The following HBEGF variants were observed in gnomAD, a reference collection of about 807,000 sequenced individuals.
HBEGF encodes proheparin-binding EGF-like growth factor.
A neutral mutation model predicts 19.5 loss-of-function variants in HBEGF; 8 were observed. The ratio of observed to expected loss-of-function variants is 0.41; its 90% CI spans 0.24 to 0.74. The LOEUF is 0.74. Ranked by LOEUF, HBEGF falls within the 30% of genes least tolerant of loss-of-function variation. The pLI is 0.32. For synonymous variants in HBEGF, 97 were observed against 108.9 expected, an observed-to-expected ratio of 0.89 and a Z score of 0.68; for missense variants, 207 against 256.9, an observed-to-expected ratio of 0.81 and a Z score of 1.33.
chr5:140,343,287 G>A (rs958300121), intron 2 of HBEGF, among the ~76,000 whole-genome samples: 11 of 152,230 alleles, frequency 7.2e-5, no homozygotes, highest in African/African-American at 2.6e-4. Context: ...GGTACTTGGA[G>A]GTTCTGGGGT....
intron 2 of HBEGF, 27 bp from the exon 3 acceptor site, chr5:140,342,839 G>A: frequency 6.2e-7 from 1 of 1,611,238 alleles, no homozygotes; most frequent in Non-Finnish European, 8.5e-7. Flanking sequence ...CTCTGTTAAA[G>A]TCTGACTCTT....
intron 3 of HBEGF, among the ~76,000 whole-genome samples, chr5:140,336,884 C>T (rs1404642836): frequency 7.1e-6 from 1 of 140,148 alleles, no homozygotes; most frequent in Non-Finnish European, 1.5e-5. Context: ...GGCTGGAGTG[C>T]AGTGGCGCAA....
chr5:140,334,611 A>AG, intron 5 of HBEGF, 47 bp downstream of exon 5: 2 of 1,308,468 alleles, frequency 1.5e-6, no homozygotes, highest in Admixed American at 3.4e-5. Context: ...CAGCCAGGAA[A>AG]GGGGACAAAG....
intron 3 of HBEGF, 68 bp downstream of exon 3, chr5:140,342,564 GACA>G: frequency 7.2e-7 from 1 of 1,398,042 alleles, no homozygotes; most frequent in African/African-American, 1.4e-5. Flanking sequence ...AAGGAACAGT[GACA>G]ACGAGGAACA....
chr5:140,335,762 T>G, intron 4 of HBEGF, 110 bp downstream of exon 4: 3 of 1,175,510 alleles, frequency 2.6e-6, no homozygotes, highest in Non-Finnish European at 3.7e-6. Flanking sequence ...AGCTAGCCCA[T>G]GATTTGGAAA....
At chr5:140,334,586 G>T in intron 5 of HBEGF, 72 bp downstream of exon 5, 1 of 991,286 alleles carries the variant, frequency 1.0e-6, no homozygotes, top group Non-Finnish European at 1.6e-6. Context: ...GAAGAATTCA[G>T]CACCCACTGA....
At chr5:140,336,137 C>T (rs1766224434) in intron 3 of HBEGF, 110 bp from the exon 4 acceptor site, 2 of 1,095,814 alleles carry the variant, frequency 1.8e-6, no homozygotes, top group South Asian at 1.5e-5. Context: ...GCCTGTCAAT[C>T]CCTGACCACG....
At position 140,342,760 on chromosome 5, in the gene HBEGF, G is replaced by A. The variant is rs2074611; in HGVS notation, c.273C>T (p.His91=). The A allele has an allele frequency of 0.084, 136,357 of 1,613,916 alleles. 6,550 individuals carry two copies. Among genetic ancestry groups the A allele is most frequent in the African/African-American group, 0.19 (14,004 of 74,930 alleles). Residue 91 remains histidine, a synonymous_variant, in exon 3 of 6, where the codon CAC becomes CAT. Transcript: ENST00000230990. ...QALATPNKEE[H]GKRKKKGKGL... is the part of the protein sequence containing the mutation. ...CCTTGCCTTTCTTCTTTCTTTTCCC[G>A]TGCTCCTCCTTGTTTGGTGTGGCCA...
At chr5:140,341,441 C>G (rs1292787633) in intron 3 of HBEGF, among the ~76,000 whole-genome samples, 1 of 152,190 alleles carries the variant, frequency 6.6e-6, no homozygotes, top group African/African-American at 2.4e-5. Context: ...TGGGGGCTTT[C>G]TATGCCACTC....
intron 3 of HBEGF, among the ~76,000 whole-genome samples, chr5:140,337,372 TC>T (rs1178303400): frequency 6.6e-6 from 1 of 152,172 alleles, no homozygotes; most frequent in Non-Finnish European, 1.5e-5. Flanking sequence ...TGCTGCCCAC[TC>T]ACACCTGACA....
intron 2 of HBEGF, 134 bp from the exon 3 acceptor site, chr5:140,342,946 C>G: frequency 1.2e-6 from 1 of 846,396 alleles, no homozygotes; most frequent in Non-Finnish European, 1.9e-6. Flanking sequence ...TAGCTCAGTG[C>G]CTCCTAAGAG....
intron 4 of HBEGF, 34 bp downstream of exon 4, chr5:140,335,838 G>T (rs577616569): frequency 6.2e-7 from 1 of 1,607,620 alleles, no homozygotes; most frequent in South Asian, 1.1e-5. Context: ...GGAGTGATTT[G>T]CAGAAACAGC....
rs1766185491 is a variant in HBEGF, at chr5:140,333,630, A to C, written c.*669T>G. 6.5e-6 allele frequency: 1 copy of C among 152,684 alleles called. No homozygotes were observed. The highest frequency in any genetic ancestry group is 1.5e-5 in the Non-Finnish European group (1 of 68,056). 9.5% of individuals were successfully genotyped at this position (152,684 alleles called of 1,614,324 possible). A position where few individuals can be genotyped will look rare whatever the true frequency, so the allele number is the denominator to read the frequency against. On this transcript the variant is annotated 3_prime_UTR_variant, in exon 6 of 6. Transcript: ENST00000230990. ...AAATTGCCAAAGTAACAGTCTAGGC[A>C]CTTGAAATATTATTGTTAGATTGTT...
chr5:140,345,698 G>C (rs1417961946), intron 2 of HBEGF, among the ~76,000 whole-genome samples: 1 of 152,032 alleles, frequency 6.6e-6, no homozygotes, highest in African/African-American at 2.4e-5. Flanking sequence ...GTACCCAGAA[G>C]GGCAGCAACC....
chr5:140,340,474 T>G (rs576431853), intron 3 of HBEGF, among the ~76,000 whole-genome samples: 5 of 149,718 alleles, frequency 3.3e-5, no homozygotes, highest in African/African-American at 1.2e-4. Flanking sequence ...TCCCAGCCAC[T>G]TAGGAGGCTG....
chr5:140,338,407 G>C (rs948152941), intron 3 of HBEGF, among the ~76,000 whole-genome samples: 6 of 152,188 alleles, frequency 3.9e-5, no homozygotes, highest in African/African-American at 9.7e-5. Context: ...GTGAGTCGTA[G>C]AGCCAGGATT....
intron 3 of HBEGF, among the ~76,000 whole-genome samples, chr5:140,342,434 C>T (rs962506146): frequency 6.6e-6 from 1 of 152,190 alleles, no homozygotes; most frequent in African/African-American, 2.4e-5. Flanking sequence ...GTCACAAAAC[C>T]ATACCACAGG....
Position 140,342,780 on chromosome 5 carries a change from T to G in HBEGF, c.253A>C (p.Thr85Pro). Residue 85 changes from threonine (T) to proline (P), a missense_variant, in exon 3 of 6, where the codon ACA becomes CCA. By Grantham distance (38) the Thr-to-Pro change is conservative (BLOSUM62 -1). Transcript: ENST00000230990. ...TLSSKPQALA[T>P]PNKEEHGKRK... Reference sequence around the variant, plus strand: ...TTCCCGTGCTCCTCCTTGTTTGGTGTGGCCAGTGCTTGTGGCTTGGAGGAT... The same window carrying G: ...TTCCCGTGCTCCTCCTTGTTTGGTGGGGCCAGTGCTTGTGGCTTGGAGGAT... 6.2e-7 allele frequency: 1 copy of G among 1,614,214 alleles called. No homozygotes were observed. Among genetic ancestry groups the G allele is most frequent in the Non-Finnish European group, 8.5e-7 (1 of 1,180,040 alleles).
intron 3 of HBEGF, among the ~76,000 whole-genome samples, chr5:140,341,579 G>A (rs1376819628): frequency 6.6e-6 from 1 of 152,212 alleles, no homozygotes; most frequent in Non-Finnish European, 1.5e-5. Context: ...CAGCTCTGCT[G>A]TGTGTGATCA....
Sources: gnomAD v4.1 joint callset for allele counts (sites outside exome capture counted in the v4.1 genomes callset) on GRCh38, gnomAD v4.1.1 for gene constraint, MANE v1.5 for transcripts, NCBI Gene and HGNC (gene_info 2026-07-23, HGNC 2026-07-21) for gene names.